The following ARID1B variants were observed in gnomAD, a reference collection of about 807,000 sequenced individuals.
ARID1B encodes AT-rich interactive domain-containing protein 1B.
ARID1B carries 30 observed loss-of-function variants against 212.3 expected under a neutral mutation model. The observed-to-expected ratio is 0.14, with a 90% confidence interval of 0.11 to 0.19. ARID1B has a LOEUF of 0.19. Ranked by LOEUF, ARID1B falls within the 10% of genes least tolerant of loss-of-function variation. The probability of loss-of-function intolerance (pLI) is 1.00; values close to 1 mark genes in which losing one functional copy is unlikely to be tolerated. For synonymous variants in ARID1B, 1,402 were observed against 1,301.7 expected (o/e 1.08, Z -1.66); for missense variants, 2,891 against 3,204.0 (o/e 0.90, Z 2.36).
At position 157,148,958 on chromosome 6, in the gene ARID1B, C is replaced by A; in HGVS notation, c.3089+7C>A. On this transcript the variant is annotated splice_region_variant and intron_variant, in intron 8 of 19. Coordinates refer to ENST00000636930, the MANE Select transcript of ARID1B (RefSeq NM_001374828.1). This position sits in a 1 kb window ranked among gnomAD's most constrained non-coding sequence, Gnocchi z 5.6. ...CGAACTCAGCACAAAGCAGGTACGC[C>A]ACCCAGGAGCACGCCCCGGGCAGGT... is the stretch of plus-strand genomic sequence containing the variant. The A allele has an allele frequency of 6.2e-7, 1 of 1,605,286 alleles. No homozygotes were observed. The highest frequency in any genetic ancestry group is 1.1e-5 in the South Asian group (1 of 90,666).
intron 4 of ARID1B, among the ~76,000 whole-genome samples, chr6:157,063,287 C>T (rs1783467814): frequency 1.3e-5 from 2 of 152,118 alleles, no homozygotes; most frequent in Non-Finnish European, 2.9e-5. Flanking sequence ...CTAACATTTA[C>T]TGAGCAGCAA....
intron 2 of ARID1B, among the ~76,000 whole-genome samples, chr6:156,836,272 C>G (rs1783504868): frequency 6.6e-6 from 1 of 152,140 alleles, no homozygotes; most frequent in Admixed American, 6.5e-5. Flanking sequence ...GAAAATCCCC[C>G]CACGGATGCC....
chr6:157,126,616 A>G (rs1162406886), intron 6 of ARID1B, among the ~76,000 whole-genome samples: 1 of 152,124 alleles, frequency 6.6e-6, no homozygotes, highest in Non-Finnish European at 1.5e-5. Flanking sequence ...TGAATATATT[A>G]ATCATATTTT....
intron 4 of ARID1B, among the ~76,000 whole-genome samples, chr6:157,078,815 C>T (rs1046885485): frequency 6.6e-6 from 1 of 152,146 alleles, no homozygotes; most frequent in African/African-American, 2.4e-5. Flanking sequence ...GCTGATTATC[C>T]TACAAATGTC....
At chr6:156,866,677 T>G (rs1785717330) in intron 2 of ARID1B, among the ~76,000 whole-genome samples, 5 of 152,234 alleles carry the variant, frequency 3.3e-5, no homozygotes, top group Admixed American at 3.3e-4. Flanking sequence ...TTGGTTTCGT[T>G]TACATTTGTG....
At chr6:156,828,018 C>T (rs1782873713) in intron 1 of ARID1B, among the ~76,000 whole-genome samples, 1 of 151,304 alleles carries the variant, frequency 6.6e-6, no homozygotes, top group Non-Finnish European at 1.5e-5. Flanking sequence ...GTCTTGGCCT[C>T]CCAAAGTGCT....
intron 4 of ARID1B, chr6:156,940,404 G>A (rs1457473296): frequency 6.6e-6 from 1 of 152,232 alleles, no homozygotes; most frequent in Non-Finnish European, 1.5e-5. Flanking sequence ...TGGCACTTTT[G>A]TTGAGTTTGC....
intron 5 of ARID1B, among the ~76,000 whole-genome samples, chr6:157,090,249 G>A (rs941395842): frequency 5.3e-5 from 8 of 152,190 alleles, no homozygotes; most frequent in South Asian, 2.1e-4. Context: ...GGAGCTCACC[G>A]TGGGGGTGAG....
At chr6:157,007,912 G>A (rs1409703292) in intron 4 of ARID1B, among the ~76,000 whole-genome samples, 1 of 151,864 alleles carries the variant, frequency 6.6e-6, no homozygotes, top group Admixed American at 6.6e-5. Context: ...TCCTGACCTC[G>A]GGATCCGCCC....
intron 4 of ARID1B, among the ~76,000 whole-genome samples, chr6:157,039,959 T>C: frequency 6.6e-6 from 1 of 151,020 alleles, no homozygotes; most frequent in African/African-American, 2.4e-5. Context: ...TCTTCTTTTT[T>C]TTTCTTTCCA....
intron 4 of ARID1B, among the ~76,000 whole-genome samples, chr6:157,042,146 G>A (rs1036521386): frequency 6.6e-6 from 1 of 151,962 alleles, no homozygotes; most frequent in South Asian, 2.1e-4. Flanking sequence ...CCTCCTCCAG[G>A]GTGTATTCTT....
chr6:157,189,079 C>G (rs1793175666), intron 13 of ARID1B, among the ~76,000 whole-genome samples: 1 of 152,200 alleles, frequency 6.6e-6, no homozygotes, highest in African/African-American at 2.4e-5. Flanking sequence ...CAGACACATT[C>G]AGATGTTGAG....
rs570929706 is a variant in ARID1B, at chr6:157,110,927, G to T, written c.2581+366G>T. 1.7e-3 allele frequency: 421 copies of T among 240,944 alleles called. 4 individuals are homozygous for T. The highest frequency in any genetic ancestry group is 8.3e-3 in the African/African-American group (385 of 46,208). The allele number at this position is 240,944 out of a possible 1,614,324, so 14.9% of individuals were successfully genotyped here. On this transcript the variant is annotated intron_variant, in intron 6 of 19. Transcript: ENST00000636930. ...ATGTGTGTGTGTGGCGGTTGGCGGT[G>T]GGGGGTTGTGTGTGTTAATACTGGT...
At chr6:157,140,747 A>G (rs1789285177) in intron 7 of ARID1B, 3 of 398,126 alleles carry the variant, frequency 7.5e-6, no homozygotes, top group Non-Finnish European at 1.3e-5. Flanking sequence ...GCCTCTGAGC[A>G]TACCCACGTG....
intron 2 of ARID1B, among the ~76,000 whole-genome samples, chr6:156,856,108 C>T (rs1258602236): frequency 6.6e-6 from 1 of 152,088 alleles, no homozygotes; most frequent in East Asian, 1.9e-4. Flanking sequence ...AACATGTGTT[C>T]CTAGATATTG....
chr6:157,174,784 G>A, intron 10 of ARID1B, 63 bp from the exon 11 acceptor site: 1 of 1,296,550 alleles, frequency 7.7e-7, no homozygotes, highest in Non-Finnish European at 1.0e-6. Context: ...TGTACTTTTT[G>A]TTATTTTAAA....
In ARID1B at chr6:157,021,786, T is replaced by C. The variant is rs1311277055; in HGVS notation, c.2248-62876T>C. On this transcript the variant is annotated intron_variant, in intron 4 of 19. Transcript: ENST00000636930. Reference sequence around the variant, plus strand: ...GCGGCGGCCGCTCGCACAGCGTGTTTTCTAAAGTTTCTGCTGACACAGCTT... The same window carrying C: ...GCGGCGGCCGCTCGCACAGCGTGTTCTCTAAAGTTTCTGCTGACACAGCTT... Among the ~76,000 whole-genome samples, 3 of 151,786 alleles carry C rather than the reference T, an allele frequency of 2.0e-5. No individual in the cohort carries two copies. The East Asian group carries it at 5.9e-4, about 30-fold the overall frequency.
intron 4 of ARID1B, among the ~76,000 whole-genome samples, chr6:157,012,889 G>GT (rs932380364): frequency 6.6e-6 from 1 of 152,166 alleles, no homozygotes; most frequent in South Asian, 2.1e-4. Flanking sequence ...GTTTTGTTTC[G>GT]TTTTTTTGAA....
chr6:156,883,192 T>TTA (rs1242503872), intron 2 of ARID1B, among the ~76,000 whole-genome samples: 2 of 152,250 alleles, frequency 1.3e-5, no homozygotes, highest in Non-Finnish European at 2.9e-5. Flanking sequence ...AGATTCTCAA[T>TTA]TATATGTTAA....
Sources: allele counts gnomAD v4.1 joint callset (sites outside exome capture counted in the v4.1 genomes callset), GRCh38; gene constraint gnomAD v4.1.1; non-coding constraint Gnocchi (gnomAD v3.1); transcripts MANE v1.5; gene names NCBI Gene and HGNC (gene_info 2026-07-23, HGNC 2026-07-21).